The following CRTC3 variants were observed in gnomAD, a reference collection of about 807,000 sequenced individuals.
The protein encoded by CRTC3 is CREB-regulated transcription coactivator 3.
A neutral mutation model predicts 74.5 loss-of-function variants in CRTC3; 26 were observed. The observed-to-expected ratio is 0.35, with a 90% CI of 0.26 to 0.48. CRTC3 has a LOEUF of 0.48. Ranked by LOEUF, CRTC3 falls within the 20% of genes least tolerant of loss-of-function variation. CRTC3 has a pLI of 0.99. For synonymous variants in CRTC3, 377 were observed against 325.8 expected (o/e 1.16, Z -1.69); for missense variants, 760 against 787.3 (o/e 0.97, Z 0.41).
At chr15:90,540,007 C>T in intron 1 of CRTC3, 32 bp from the exon 2 acceptor site, 2 of 1,403,754 alleles carry the variant, frequency 1.4e-6, no homozygotes, top group Non-Finnish European at 2.0e-6. Context: ...TTGCTGTTAC[C>T]TCTCAGCGTT....
chr15:90,603,247 T>G lies in CRTC3; in HGVS notation c.413+862T>G, dbSNP rs994440242. On this transcript the variant is annotated intron_variant, in intron 4 of 14. Transcript: ENST00000268184. ...TCACAAGCTCAGGAGATCGAGACCA[T>G]CCTCGCTAACACGGTGAAACCCCGT... 4.0e-5 allele frequency among the ~76,000 whole-genome samples: 6 copies of G among 150,118 alleles called. No homozygotes were observed. The South Asian group carries it at 6.4e-4, about 16-fold the overall frequency.
chr15:90,546,614 C>A (rs144378059), intron 2 of CRTC3, among the ~76,000 whole-genome samples: 156 of 152,136 alleles, frequency 1.0e-3, no homozygotes, highest in Non-Finnish European at 1.8e-3. Flanking sequence ...ATAAAAACAC[C>A]TGCTAGGATT....
At chr15:90,576,278 A>T (rs1596095433) in intron 2 of CRTC3, among the ~76,000 whole-genome samples, 1 of 152,256 alleles carries the variant, frequency 6.6e-6, no homozygotes, top group South Asian at 2.1e-4. Context: ...AATAAAAATA[A>T]ATAGATGGTC....
chr15:90,546,772 G>A lies in CRTC3; in HGVS notation c.231+6635G>A, dbSNP rs56822357. 1.8e-4 allele frequency among the ~76,000 whole-genome samples: 27 copies of A among 152,232 alleles called. No individual in the cohort carries two copies. In the East Asian group the frequency reaches 4.6e-3, roughly 26 times the overall value. On this transcript the variant is annotated intron_variant, in intron 2 of 14. Transcript: ENST00000268184. ...TGAGTAGCTGGGACTACAGGTGCCC[G>A]CCACCACGCCCAGCTAATTTTTCTG... is the stretch of plus-strand genomic sequence containing the variant.
chr15:90,614,265 T>G, intron 6 of CRTC3, 188 bp from the exon 7 acceptor site: 1 of 516,030 alleles, frequency 1.9e-6, no homozygotes, highest in Non-Finnish European at 3.4e-6. Flanking sequence ...CAAATTTAGT[T>G]TCAAATTAGC....
chr15:90,579,262 T>C (rs1287698264), intron 2 of CRTC3, among the ~76,000 whole-genome samples: 2 of 152,192 alleles, frequency 1.3e-5, no homozygotes, highest in African/African-American at 4.8e-5. Context: ...GATTTGAGTA[T>C]GCATAGATTT....
intron 10 of CRTC3, 103 bp from the exon 11 acceptor site, chr15:90,629,131 A>G (rs1968942355): frequency 2.7e-6 from 3 of 1,122,074 alleles, no homozygotes; most frequent in South Asian, 1.6e-5. Context: ...CTTTACCTAC[A>G]GAATCATCAT....
At chr15:90,620,844 G>A (rs1173156570) in intron 9 of CRTC3, among the ~76,000 whole-genome samples, 1 of 152,162 alleles carries the variant, frequency 6.6e-6, no homozygotes, top group African/African-American at 2.4e-5. Flanking sequence ...TCCACTTCAA[G>A]CAGTCATTGA....
chr15:90,612,056 C>T (rs976754290), intron 6 of CRTC3, among the ~76,000 whole-genome samples: 5 of 144,634 alleles, frequency 3.5e-5, no homozygotes, highest in African/African-American at 5.1e-5. Context: ...TCCTCCTCCT[C>T]CGCCTCCACC....
intron 7 of CRTC3, among the ~76,000 whole-genome samples, chr15:90,617,239 A>G (rs947038710): frequency 6.6e-6 from 1 of 152,096 alleles, no homozygotes; most frequent in Non-Finnish European, 1.5e-5. Context: ...TCTCAGCAGC[A>G]TCATACCCTC....
chr15:90,628,139 C>T (rs1474293469), intron 10 of CRTC3, among the ~76,000 whole-genome samples: 4 of 151,348 alleles, frequency 2.6e-5, no homozygotes, highest in African/African-American at 9.7e-5. Flanking sequence ...ATGGCGTGAA[C>T]CCGGGAGACG....
At chr15:90,542,414 GGTGATCCGCCCATCTC>G (rs955741457) in intron 2 of CRTC3, among the ~76,000 whole-genome samples, 1 of 150,748 alleles carries the variant, frequency 6.6e-6, no homozygotes, top group Non-Finnish European at 1.5e-5. Context: ...CCTGACCTCA[GGTGATCCGCCCATCTC>G]GTCCTCCCAA....
At chr15:90,550,448 G>GTTTTTTTTTT (rs34296183) in intron 2 of CRTC3, among the ~76,000 whole-genome samples, 3 of 142,738 alleles carry the variant, frequency 2.1e-5, no homozygotes, top group Non-Finnish European at 1.5e-5. Context: ...TCCTTTGCCT[G>GTTTTTTTTTT]TTTTTTTTTT....
intron 10 of CRTC3, among the ~76,000 whole-genome samples, chr15:90,629,002 T>G (rs1408980864): frequency 1.3e-5 from 2 of 152,144 alleles, no homozygotes; most frequent in Non-Finnish European, 2.9e-5. Context: ...GTGATCTCCC[T>G]CCTCATGGGA....
chr15:90,570,957 A>G (rs1967249888), intron 2 of CRTC3, among the ~76,000 whole-genome samples: 1 of 152,208 alleles, frequency 6.6e-6, no homozygotes, highest in African/African-American at 2.4e-5. Context: ...GAAAAAAACT[A>G]CACGAGGAAC....
intron 2 of CRTC3, among the ~76,000 whole-genome samples, chr15:90,570,244 T>C (rs1290409006): frequency 6.6e-6 from 1 of 152,172 alleles, no homozygotes; most frequent in Non-Finnish European, 1.5e-5. Context: ...ACAGAGACTC[T>C]ACTTCTGTGC....
chr15:90,566,110 C>G (rs1225632106), intron 2 of CRTC3, among the ~76,000 whole-genome samples: 1 of 152,160 alleles, frequency 6.6e-6, no homozygotes, highest in African/African-American at 2.4e-5. Context: ...CTGGATAGAT[C>G]AAACTAGCCA....
At chr15:90,548,541 T>C (rs1966848618) in intron 2 of CRTC3, among the ~76,000 whole-genome samples, 1 of 152,206 alleles carries the variant, frequency 6.6e-6, no homozygotes, top group Non-Finnish European at 1.5e-5. Flanking sequence ...TGGTTTTCCT[T>C]TACTGCATTT....
chr15:90,585,530 G>A (rs1242434087), intron 2 of CRTC3, among the ~76,000 whole-genome samples: 1 of 152,064 alleles, frequency 6.6e-6, no homozygotes, highest in Non-Finnish European at 1.5e-5. Context: ...TTGATTTTAT[G>A]TAGGCTATAT....
Sources: gnomAD v4.1 joint callset for allele counts (sites outside exome capture counted in the v4.1 genomes callset) on GRCh38, gnomAD v4.1.1 for gene constraint, MANE v1.5 for transcripts, NCBI Gene and HGNC (gene_info 2026-07-23, HGNC 2026-07-21) for gene names.